Variants in FHOD1 observed in about 807,000 individuals in gnomAD.
FHOD1 encodes the protein formin homology 2 domain containing 1.
FHOD1 carries 89 observed loss-of-function variants against 111.6 expected under a neutral mutation model. The observed-to-expected ratio is 0.80, with a 90% confidence interval of 0.67 to 0.95. The LOEUF (loss-of-function observed/expected upper bound fraction) is 0.95. Among genes scored for constraint, FHOD1 ranks in the 40% least tolerant of loss-of-function variants. The pLI is 0.00. For synonymous variants in FHOD1, 618 were observed against 639.0 expected, an observed-to-expected ratio of 0.97 and a Z score of 0.50; for missense variants, 1,446 against 1,554.2, an observed-to-expected ratio of 0.93 and a Z score of 1.17.
Position 67,229,728 on chromosome 16 carries a change from CAG to C in FHOD1, c.3413-12_3413-11del. The C allele has an allele frequency of 6.2e-7, 1 of 1,614,156 alleles. No homozygotes were observed. Among genetic ancestry groups the C allele is most frequent in the Non-Finnish European group, 8.5e-7 (1 of 1,179,996 alleles). On this transcript the variant is annotated splice_polypyrimidine_tract_variant and intron_variant, in intron 21 of 21. Transcript: ENST00000258201. ...TTCAACGTCCTTCTCACTGCAGGGA[CAG>C]AGCAGGGTTGGAGGGGGTTGATGGG...
Position 67,247,458 on chromosome 16 carries a change from T to G in FHOD1, c.-48A>C, listed in dbSNP as rs753172291. 3 of 1,586,750 alleles carry G rather than the reference T, an allele frequency of 1.9e-6. No individual in the cohort carries two copies. In the South Asian group the frequency reaches 3.4e-5, roughly 18 times the overall value. ...GCGCGCCTCCGAGTCCCGGCCCCAGTGCAGCTTCTACTCAAAGCACACTGT... is the reference window on the plus strand; with the variant it reads ...GCGCGCCTCCGAGTCCCGGCCCCAGGGCAGCTTCTACTCAAAGCACACTGT... On this transcript the variant is annotated 5_prime_UTR_variant, in exon 1 of 22. Transcript: ENST00000258201.
chr16:67,230,167 A>G lies in FHOD1; in HGVS notation c.3113T>C (p.Val1038Ala), dbSNP rs908962749. ...APSNPSVPVAVSSGPGRGDAD... is the reference protein window; with the variant it reads ...APSNPSVPVAASSGPGRGDAD... ...ATCTCCCCGGCCTGGCCCGCTGCTC[A>G]CTGCTACTGGGACAGAGGGGTTGCT... Residue 1038 changes from valine (V) to alanine (A), a missense_variant, in exon 20 of 22, where the codon GTG (valine) becomes GCG (alanine). By Grantham distance (64) the Val-to-Ala change is moderately conservative. Transcript: ENST00000258201. 3.1e-6 allele frequency: 5 copies of G among 1,614,034 alleles called. No individual in the cohort carries two copies. In the Admixed American group the frequency reaches 5.0e-5, roughly 16 times the overall value.
Position 67,230,159 on chromosome 16 carries a change from C to G in FHOD1, c.3121G>C (p.Gly1041Arg). Residue 1041 changes from glycine to arginine, a missense_variant, in exon 20 of 22, where the codon GGG (glycine) becomes CGG (arginine). Physicochemically the swap from Gly to Arg is moderately radical, Grantham distance 125. Coordinates refer to ENST00000258201, the MANE Select transcript of FHOD1 (RefSeq NM_013241.3). ...NPSVPVAVSS[G>R]PGRGDADSHA... ...CTGTCAGCATCTCCCCGGCCTGGCC[C>G]GCTGCTCACTGCTACTGGGACAGAG... is the stretch of plus-strand genomic sequence containing the variant. 2 of 1,614,204 alleles carry G rather than the reference C, an allele frequency of 1.2e-6. No individual in the cohort carries two copies. Among genetic ancestry groups the G allele is most frequent in the Non-Finnish European group, 1.7e-6 (2 of 1,180,030 alleles).
At chr16:67,235,565 A>G (rs978581531) in intron 11 of FHOD1, among the ~76,000 whole-genome samples, 1 of 151,286 alleles carries the variant, frequency 6.6e-6, no homozygotes, top group African/African-American at 2.4e-5. Flanking sequence ...CGGATGTGGT[A>G]AACAGTGGAC....
At position 67,230,115 on chromosome 16, in the gene FHOD1, ACT is replaced by A; in HGVS notation, c.3163_3164del (p.Leu1056AlafsTer6). ...TGTCCTCAGGCCTGCTGGTCAGCAG[ACT>A]CTTCATACTAGCATGACTGTCAGCA... ...GDADSHASMKSLLTSRPEDTT... is the reference protein window; with the variant it reads ...GDADSHASMKXLLTSRPEDTT... On this transcript the variant is annotated frameshift_variant, in exon 20 of 22. Coordinates refer to ENST00000258201, the MANE Select transcript of FHOD1 (RefSeq NM_013241.3). LOFTEE classifies it high-confidence loss of function. The A allele has an allele frequency of 1.2e-6, 2 of 1,613,766 alleles. No homozygotes were observed. Among genetic ancestry groups the A allele is most frequent in the South Asian group, 1.1e-5 (1 of 91,072 alleles).
At chr16:67,234,307 TG>T in intron 12 of FHOD1, 40 bp from the exon 13 acceptor site, 1 of 1,599,456 alleles carries the variant, frequency 6.3e-7, no homozygotes, top group Non-Finnish European at 8.5e-7. Context: ...ATGCCCCCTG[TG>T]GGGCAACAAA....
chr16:67,230,566 T>G, intron 18 of FHOD1, 35 bp downstream of exon 18: 1 of 1,613,396 alleles, frequency 6.2e-7, no homozygotes, highest in Admixed American at 1.7e-5. Flanking sequence ...GGGAGGGTGG[T>G]GGCCGTCCTG....
intron 1 of FHOD1, among the ~76,000 whole-genome samples, chr16:67,246,124 C>T (rs1037458342): frequency 1.3e-5 from 2 of 152,252 alleles, no homozygotes; most frequent in Non-Finnish European, 2.9e-5. Context: ...CCCCTCCCGC[C>T]AGCGCTCAGA....
intron 11 of FHOD1, among the ~76,000 whole-genome samples, chr16:67,235,263 C>A (rs777710171): frequency 6.6e-6 from 1 of 152,146 alleles, no homozygotes; most frequent in Non-Finnish European, 1.5e-5. Flanking sequence ...GGTGCGGTGG[C>A]TCACGCTTGT....
Position 67,238,186 on chromosome 16 carries a change from GA to G in FHOD1, c.547+15del, listed in dbSNP as rs767394121. 16 of 1,614,014 alleles carry G rather than the reference GA, an allele frequency of 9.9e-6. No individual in the cohort carries two copies. The South Asian group carries it at 1.6e-4, about 17-fold the overall frequency. ...GGTCGCTGGAGCAGAGGTCATGGGA[GA>G]GGGGCGGGGCTGACCTCTAAGGATG... On this transcript the variant is annotated intron_variant, in intron 5 of 21. Coordinates refer to ENST00000258201, the MANE Select transcript of FHOD1 (RefSeq NM_013241.3). This position sits in a 1 kb window ranked among gnomAD's most constrained non-coding sequence, Gnocchi z 4.2.
At chr16:67,242,295 A>G (rs1248185741) in intron 1 of FHOD1, among the ~76,000 whole-genome samples, 1 of 152,130 alleles carries the variant, frequency 6.6e-6, no homozygotes, top group Non-Finnish European at 1.5e-5. Flanking sequence ...TAGCCTCCTC[A>G]GCCACTTCAC....
At position 67,237,795 on chromosome 16, in the gene FHOD1, G is replaced by A. The variant is rs549399223; in HGVS notation, c.643-27C>T. 1.4e-5 allele frequency: 22 copies of A among 1,593,114 alleles called. No homozygotes were observed. The South Asian group carries it at 2.3e-4, about 17-fold the overall frequency. Reference sequence around the variant, plus strand: ...TGAGGAGAGAGGTCAGTACATATGAGTGGGGCTTAGGCCAGACCTGTGCCA... The same window carrying A: ...TGAGGAGAGAGGTCAGTACATATGAATGGGGCTTAGGCCAGACCTGTGCCA... On this transcript the variant is annotated intron_variant, in intron 6 of 21. Transcript: ENST00000258201. This position sits in a 1 kb window ranked among gnomAD's most constrained non-coding sequence, Gnocchi z 5.6.
At position 67,238,470 on chromosome 16, in the gene FHOD1, C is replaced by T. The variant is rs370004594; in HGVS notation, c.374-23G>A. 27 of 1,604,990 alleles carry T rather than the reference C, an allele frequency of 1.7e-5. No homozygotes were observed. The highest frequency in any genetic ancestry group is 1.6e-5 in the Non-Finnish European group (19 of 1,173,918). Reference sequence around the variant, plus strand: ...TTTCTGCAAAAGGTAGGGTATAAAACCCTTGATGGACACAGACTCACTGTC... The same window carrying T: ...TTTCTGCAAAAGGTAGGGTATAAAATCCTTGATGGACACAGACTCACTGTC... On this transcript the variant is annotated intron_variant, in intron 3 of 21. Transcript: ENST00000258201. This position sits in a 1 kb window ranked among gnomAD's most constrained non-coding sequence, Gnocchi z 4.2.
In FHOD1 at chr16:67,241,114, A is replaced by ACCCCCCCCCCC. The variant is rs1186229148; in HGVS notation, c.202-1671_202-1661dup. Reference sequence around the variant, plus strand: ...GTTTAGCCTGTGGGGCCCTTGGATGACCCCCCCCCCCGCCCACCCCCGCCT... The same window carrying ACCCCCCCCCCC: ...GTTTAGCCTGTGGGGCCCTTGGATGACCCCCCCCCCCCCCCCCCCCCCGCCCACCCCCGCCT... On this transcript the variant is annotated intron_variant, in intron 1 of 21. Coordinates refer to ENST00000258201, the MANE Select transcript of FHOD1 (RefSeq NM_013241.3). Among the ~76,000 whole-genome samples the ACCCCCCCCCCC allele has an allele frequency of 1.5e-3, 126 of 83,276 alleles. 1 individual carries two copies. The highest frequency in any genetic ancestry group is 3.6e-3 in the African/African-American group (64 of 17,756). 54.6% of individuals were successfully genotyped at this position (83,276 alleles called of 152,430 possible).
At position 67,230,225 on chromosome 16, in the gene FHOD1, C is replaced by A. The variant is rs996408352; in HGVS notation, c.3055G>T (p.Glu1019Ter). 1.5e-5 allele frequency: 25 copies of A among 1,613,798 alleles called. No homozygotes were observed. Among genetic ancestry groups the A allele is most frequent in the Non-Finnish European group, 2.1e-5 (25 of 1,179,852 alleles). Residue 1019 changes from glutamate to a stop codon, truncating the protein, a stop_gained, in exon 20 of 22, where the codon GAG (glutamate) becomes TAG (stop). Coordinates refer to ENST00000258201, the MANE Select transcript of FHOD1 (RefSeq NM_013241.3). LOFTEE classifies it high-confidence loss of function. The stretch of plus-strand genomic sequence containing the variant: ...TCCCCAGCCACACCTGAGAACTTCT[C>A]TGTCTGGAGAAAGAAGAAGGGTGAG... ...KTRGRMITET[E>*]KFSGVAGEAP... is the part of the protein sequence containing the mutation.
chr16:67,231,293 C>T lies in FHOD1; in HGVS notation c.2562G>A (p.Val854=), dbSNP rs914033647. 20 of 1,614,074 alleles carry T rather than the reference C, an allele frequency of 1.2e-5. No homozygotes were observed. The highest frequency in any genetic ancestry group is 1.6e-5 in the Non-Finnish European group (19 of 1,180,034). ...LEKVSEVKDT[V]RRQSLLHHLC... is the part of the protein sequence containing the mutation. ...GATGGTGTAGCAGTGACTGTCGACG[C>T]ACCGTGTCCTTCACCTCTGACACCT... The change falls in exon 17 of 22, where the codon GTG becomes GTA. Residue 854 remains valine, a synonymous_variant. Coordinates refer to ENST00000258201, the MANE Select transcript of FHOD1 (RefSeq NM_013241.3). This position sits in a 1 kb window ranked among gnomAD's most constrained non-coding sequence, Gnocchi z 4.3.
At chr16:67,230,543 G>C in intron 18 of FHOD1, 37 bp from the exon 19 acceptor site, 1 of 1,613,190 alleles carries the variant, frequency 6.2e-7, no homozygotes, top group Non-Finnish European at 8.5e-7. Context: ...AGTAAGTCCT[G>C]CTTATTGTCT....
At position 67,231,284 on chromosome 16, in the gene FHOD1, C is replaced by T; in HGVS notation, c.2571G>A (p.Gln857=). ...GGGAGCAGAGATGGTGTAGCAGTGA[C>T]TGTCGACGCACCGTGTCCTTCACCT... ...VSEVKDTVRR[Q]SLLHHLCSLV... is the part of the protein sequence containing the mutation. The change falls in exon 17 of 22, where the codon CAG becomes CAA. Residue 857 remains glutamine, a synonymous_variant. Transcript: ENST00000258201. The surrounding 1 kb of genome is among the most constrained non-coding windows in gnomAD (Gnocchi z 4.3). 6.2e-7 allele frequency: 1 copy of T among 1,614,196 alleles called. No individual in the cohort carries two copies. The highest frequency in any genetic ancestry group is 1.1e-5 in the South Asian group (1 of 91,088).
intron 1 of FHOD1, among the ~76,000 whole-genome samples, chr16:67,245,101 G>T (rs1335086572): frequency 6.6e-6 from 1 of 152,180 alleles, no homozygotes; most frequent in Non-Finnish European, 1.5e-5. Context: ...ACATCACAGT[G>T]CATCTGACCA....
Sources: allele counts gnomAD v4.1 joint callset (sites outside exome capture counted in the v4.1 genomes callset), GRCh38; gene constraint gnomAD v4.1.1; non-coding constraint Gnocchi (gnomAD v3.1); transcripts MANE v1.5; gene names NCBI Gene and HGNC (gene_info 2026-07-23, HGNC 2026-07-21).